GAD2: variants seen among roughly 807,000 people sequenced by gnomAD.
The protein encoded by GAD2 is 65 kDa glutamic acid decarboxylase.
In GAD2, 22 loss-of-function variants were observed where a neutral mutation model predicts 80.1. That is an observed-to-expected ratio of 0.27 (90% CI 0.20 to 0.39). The LOEUF is 0.39. Among genes scored for constraint, GAD2 ranks in the 10% least tolerant of loss-of-function variants. The pLI, the probability that GAD2 is intolerant of heterozygous loss-of-function variation, is 1.00. For missense variants in GAD2, 624 were observed against 738.4 expected (o/e 0.85, Z 1.80); for synonymous variants, 274 against 256.9 (o/e 1.07, Z -0.64).
intron 12 of GAD2, among the ~76,000 whole-genome samples, chr10:26,285,421 A>G (rs544930374): frequency 6.6e-6 from 1 of 152,348 alleles, no homozygotes; most frequent in Non-Finnish European, 1.5e-5. Flanking sequence ...AAGCTTTTGT[A>G]AAATCACAAT....
At chr10:26,248,965 C>T (rs1844844364) in intron 8 of GAD2, among the ~76,000 whole-genome samples, 1 of 152,160 alleles carries the variant, frequency 6.6e-6, no homozygotes, top group Non-Finnish European at 1.5e-5. Flanking sequence ...GAGAGGATCT[C>T]CAGTCAGGAA....
chr10:26,281,254 G>C (rs1409285911), intron 12 of GAD2, among the ~76,000 whole-genome samples, 167 bp downstream of exon 12: 1 of 152,172 alleles, frequency 6.6e-6, no homozygotes, highest in Admixed American at 6.5e-5. Flanking sequence ...AAGGTCTGGT[G>C]CCTAACAGGG....
In GAD2 at chr10:26,216,780, G is replaced by T; in HGVS notation, c.-30G>T. ...GGCAGCTCGCCCGCAGCTCGCACTC[G>T]CAGGCGACCTGCTCCAGTCTCCAAA... On this transcript the variant is annotated 5_prime_UTR_variant, in exon 1 of 16. Transcript: ENST00000376261. The surrounding 1 kb of genome is among the most constrained non-coding windows in gnomAD (Gnocchi z 4.7). 2 of 1,595,180 alleles carry T rather than the reference G, an allele frequency of 1.3e-6. No homozygotes were observed. Among genetic ancestry groups the T allele is most frequent in the Non-Finnish European group, 1.7e-6 (2 of 1,170,360 alleles).
rs8190659 is a variant in GAD2 at position 26,242,877 on chromosome 10, GT to G, written c.841-3041del. Among the ~76,000 whole-genome samples the G allele has an allele frequency of 3.7e-3, 559 of 152,270 alleles. 5 individuals carry two copies. Among genetic ancestry groups the G allele is most frequent in the African/African-American group, 0.013 (538 of 41,552 alleles). On this transcript the variant is annotated intron_variant, in intron 7 of 15. Coordinates refer to ENST00000376261, the MANE Select transcript of GAD2 (RefSeq NM_001134366.2). ...CTTATCCCCAGTTCGCCTTTTTGCAGTTTAGTGCTTAAGAGCTCATTCACAG... is the reference window on the plus strand; with the variant it reads ...CTTATCCCCAGTTCGCCTTTTTGCAGTTAGTGCTTAAGAGCTCATTCACAG...
chr10:26,294,648 C>G (rs146560065), intron 15 of GAD2, among the ~76,000 whole-genome samples: 161 of 152,190 alleles, frequency 1.1e-3, no homozygotes, highest in African/African-American at 3.6e-3. Flanking sequence ...CTTCTAGAAC[C>G]AGGATCCGTG....
chr10:26,232,613 T>C (rs1359801610), intron 7 of GAD2, among the ~76,000 whole-genome samples: 1 of 151,722 alleles, frequency 6.6e-6, no homozygotes, highest in Non-Finnish European at 1.5e-5. Context: ...TCCTCCTGCC[T>C]CAGCCTCTGG....
chr10:26,256,466 A>G (rs1844944623), intron 8 of GAD2, among the ~76,000 whole-genome samples: 1 of 152,234 alleles, frequency 6.6e-6, no homozygotes, highest in South Asian at 2.1e-4. Flanking sequence ...AGTATCCATT[A>G]TAGCTATCTT....
At chr10:26,226,687 A>C (rs1844531310) in intron 6 of GAD2, among the ~76,000 whole-genome samples, 1 of 152,236 alleles carries the variant, frequency 6.6e-6, no homozygotes, top group Non-Finnish European at 1.5e-5. Context: ...TAAAAGTCTC[A>C]TTCCCTGGGA....
intron 8 of GAD2, among the ~76,000 whole-genome samples, chr10:26,246,288 G>T (rs1016299383): frequency 6.6e-6 from 1 of 152,164 alleles, no homozygotes; most frequent in Non-Finnish European, 1.5e-5. Flanking sequence ...ACCTGGGCAC[G>T]TTAGCAACAG....
At chr10:26,291,177 T>A (rs1025193797) in intron 13 of GAD2, among the ~76,000 whole-genome samples, 6 of 152,222 alleles carry the variant, frequency 3.9e-5, no homozygotes, top group African/African-American at 1.4e-4. Context: ...TAAACCCAAC[T>A]CCAGACTGGT....
intron 12 of GAD2, among the ~76,000 whole-genome samples, chr10:26,283,749 G>A (rs1290952664): frequency 1.3e-5 from 2 of 152,112 alleles, no homozygotes; most frequent in Non-Finnish European, 2.9e-5. Flanking sequence ...GCCTAGAGAG[G>A]AAAAGAAAAG....
chr10:26,272,699 A>G (rs1352252314), intron 10 of GAD2, among the ~76,000 whole-genome samples: 2 of 152,154 alleles, frequency 1.3e-5, no homozygotes, highest in African/African-American at 4.8e-5. Context: ...CCTCGTCTCT[A>G]CTAAAAATAC....
rs186868001 is a variant in GAD2, at chr10:26,247,239, A to G, written c.920+1239A>G. 1.4e-4 allele frequency among the ~76,000 whole-genome samples: 21 copies of G among 152,298 alleles called. 1 individual carries two copies. The South Asian group carries it at 2.1e-3, about 15-fold the overall frequency. On this transcript the variant is annotated intron_variant, in intron 8 of 15. Transcript: ENST00000376261. ...TATAGAGTAACTTCCTGACATTACC[A>G]TGGCATTTGTAAACTGTCATAGTGC...
At chr10:26,244,918 G>T (rs186665790) in intron 7 of GAD2, among the ~76,000 whole-genome samples, 23 of 152,284 alleles carry the variant, frequency 1.5e-4, no homozygotes, top group Admixed American at 1.2e-3. Flanking sequence ...TTGGGAGGTT[G>T]AGGCAGGTGG....
Position 26,288,387 on chromosome 10 carries a change from T to C in GAD2, c.1386+1893T>C, listed in dbSNP as rs115743287. ...CTTTACATGAAGTGAAGCTCCACTG[T>C]GTTGCCTGGTAATGGTGGGGTGACG... On this transcript the variant is annotated intron_variant, in intron 13 of 15. Transcript: ENST00000376261. Among the ~76,000 whole-genome samples, 511 of 152,292 alleles carry C rather than the reference T, an allele frequency of 3.4e-3. 2 individuals are homozygous for C. Among genetic ancestry groups the C allele is most frequent in the African/African-American group, 0.012 (496 of 41,552 alleles).
chr10:26,277,564 A>T lies in GAD2; in HGVS notation c.1158-3445A>T, dbSNP rs558184164. On this transcript the variant is annotated intron_variant, in intron 11 of 15. Coordinates refer to ENST00000376261, the MANE Select transcript of GAD2 (RefSeq NM_001134366.2). ...ATTAGAGAGGAGACGGGAGCCAGGGACAGACTAGAAGCTATTAAGCTCTTA... is the reference window on the plus strand; with the variant it reads ...ATTAGAGAGGAGACGGGAGCCAGGGTCAGACTAGAAGCTATTAAGCTCTTA... Among the ~76,000 whole-genome samples, 109 of 152,314 alleles carry T rather than the reference A, an allele frequency of 7.2e-4. 1 individual carries two copies. The Middle Eastern group carries it at 0.01, about 14-fold the overall frequency.
At chr10:26,218,079 C>T in intron 3 of GAD2, 88 bp downstream of exon 3, 2 of 1,367,626 alleles carry the variant, frequency 1.5e-6, no homozygotes, top group Admixed American at 2.5e-5. Flanking sequence ...CGCTGAGAGC[C>T]GGACAGGGGC....
chr10:26,286,208 T>C (rs1845329438), intron 12 of GAD2, 137 bp from the exon 13 acceptor site: 1 of 804,346 alleles, frequency 1.2e-6, no homozygotes, highest in Non-Finnish European at 1.9e-6. Context: ...CCATTCTTTT[T>C]TTTAAAATTG....
chr10:26,238,940 G>T lies in GAD2; in HGVS notation c.841-6981G>T, dbSNP rs576154948. On this transcript the variant is annotated intron_variant, in intron 7 of 15. Coordinates refer to ENST00000376261, the MANE Select transcript of GAD2 (RefSeq NM_001134366.2). ...AGAAGGATGTGAAGGAGGAGGATAC[G>T]GTGAGAACTGCAACTGCTGAGGGAT... Among the ~76,000 whole-genome samples the T allele has an allele frequency of 6.6e-5, 10 of 152,096 alleles. No homozygotes were observed. In the South Asian group the frequency reaches 1.0e-3, roughly 16 times the overall value.
Sources: gnomAD v4.1 joint callset for allele counts (sites outside exome capture counted in the v4.1 genomes callset) on GRCh38, gnomAD v4.1.1 for gene constraint, Gnocchi (gnomAD v3.1) non-coding constraint, MANE v1.5 for transcripts, NCBI Gene and HGNC (gene_info 2026-07-23, HGNC 2026-07-21) for gene names.